OR2J1: variants seen among roughly 807,000 people sequenced by gnomAD.
OR2J1 encodes olfactory receptor 2J1.
A neutral mutation model predicts 10.2 loss-of-function variants in OR2J1; 10 were observed. That is an observed-to-expected ratio of 0.98 (90% CI 0.60 to 1.66). The LOEUF is 1.66. Among genes scored for constraint, OR2J1 ranks in the 40% most tolerant of loss-of-function variants. The probability of loss-of-function intolerance (pLI) is 0.00; values close to 1 mark genes in which losing one functional copy is unlikely to be tolerated. For synonymous variants in OR2J1, 143 were observed against 138.8 expected (o/e 1.03, Z -0.21); for missense variants, 317 against 379.4 (o/e 0.84, Z 1.37).
chr6:29,101,380 T>G lies in OR2J1; in HGVS notation c.438T>G (p.Ala146=). 5 of 1,585,888 alleles carry G rather than the reference T, an allele frequency of 3.2e-6. No individual in the cohort carries two copies. The highest frequency in any genetic ancestry group is 4.3e-6 in the Non-Finnish European group (5 of 1,154,130). The change falls in exon 2 of 2, where the codon GCT becomes GCG. Residue 146 remains alanine, a synonymous_variant. Transcript: ENST00000641659. The stretch of plus-strand genomic sequence containing the variant: ...ACCCTCGTTTCTGCCGCTTGTTGGC[T>G]GCGGCTTCTTGGGTAAGTGGTTTTA... ...LMHPRFCRLL[A]AASWVSGFTT...
In OR2J1 at chr6:29,101,308, T is replaced by G. The variant is rs777390168; in HGVS notation, c.366T>G (p.Asp122Glu). The change falls in exon 2 of 2, where the codon GAT (aspartate) becomes GAG (glutamate). Residue 122 changes from aspartate (D) to glutamate (E), a missense_variant. Asp to Glu is a conservative substitution (Grantham distance 45). Transcript: ENST00000641659. The part of the protein sequence containing the change: ...ECVLLVVMSY[D>E]RYAAVCRPLH... The stretch of plus-strand genomic sequence containing the variant: ...TCCTACTGGTGGTGATGTCCTATGA[T>G]CGTTATGCAGCTGTGTGTAGACCTT... The G allele has an allele frequency of 2.5e-6, 4 of 1,603,004 alleles. No individual in the cohort carries two copies. The highest frequency in any genetic ancestry group is 3.4e-6 in the Non-Finnish European group (4 of 1,169,838).
chr6:29,101,542 C>G lies in OR2J1; in HGVS notation c.600C>G (p.Leu200=). ...ATACCCAGGCAAATGAGCTGACCCT[C>G]ATGGTCATGAGCTCCATATTTGTTC... ...CVDTQANELT[L]MVMSSIFVLI... Residue 200 remains leucine, a synonymous_variant, in exon 2 of 2, where the codon CTC becomes CTG. Transcript: ENST00000641659. 2 of 1,587,274 alleles carry G rather than the reference C, an allele frequency of 1.3e-6. No homozygotes were observed. The highest frequency in any genetic ancestry group is 1.7e-6 in the Non-Finnish European group (2 of 1,155,434).
chr6:29,100,110 T>C (rs1761507148), intron 1 of OR2J1, among the ~76,000 whole-genome samples: 1 of 152,222 alleles, frequency 6.6e-6, no homozygotes, highest in Non-Finnish European at 1.5e-5. Flanking sequence ...GTGTTATACA[T>C]TCTTTCAATT....
rs1237590812 is a variant in OR2J1, at chr6:29,101,795, A to G, written c.853A>G (p.Ser285Gly). 3 of 1,603,456 alleles carry G rather than the reference A, an allele frequency of 1.9e-6. No homozygotes were observed. The highest frequency in any genetic ancestry group is 1.1e-5 in the South Asian group (1 of 90,876). The change falls in exon 2 of 2, where the codon AGT (serine) becomes GGT (glycine). Residue 285 changes from serine to glycine, a missense_variant. Physicochemically the swap from Ser to Gly is moderately conservative, Grantham distance 56 (BLOSUM62 0). Coordinates refer to ENST00000641659, the MANE Select transcript of OR2J1 (RefSeq NM_001348294.2). ...IALFYTVVTP[S>G]LNPLIYTFRN... ...CCTCTTTTACACTGTTGTCACACCT[A>G]GTCTTAACCCTCTAATCTACACTTT...
chr6:29,101,392 G>A lies in OR2J1; in HGVS notation c.450G>A (p.Trp150Ter). Residue 150 changes from tryptophan (W) to a stop codon, truncating the protein, a stop_gained, in exon 2 of 2, where the codon TGG (tryptophan) becomes TGA (stop). Transcript: ENST00000641659. LOFTEE classifies it high-confidence loss of function. ...RFCRLLAAASWVSGFTTSALH... is the reference protein window; with the variant it reads ...RFCRLLAAAS ...GCCGCTTGTTGGCTGCGGCTTCTTGGGTAAGTGGTTTTACAACCTCAGCAC... is the reference window on the plus strand; with the variant it reads ...GCCGCTTGTTGGCTGCGGCTTCTTGAGTAAGTGGTTTTACAACCTCAGCAC... 6.3e-7 allele frequency: 1 copy of A among 1,577,314 alleles called. No homozygotes were observed. Among genetic ancestry groups the A allele is most frequent in the South Asian group, 1.1e-5 (1 of 90,342 alleles).
chr6:29,102,154 A>G lies in OR2J1; in HGVS notation c.*273A>G. 2.7e-6 allele frequency: 1 copy of G among 365,156 alleles called. No homozygotes were observed. The highest frequency in any genetic ancestry group is 4.9e-6 in the Non-Finnish European group (1 of 204,566). 22.6% of individuals were successfully genotyped at this position (365,156 alleles called of 1,614,324 possible). On this transcript the variant is annotated 3_prime_UTR_variant, in exon 2 of 2. Transcript: ENST00000641659. ...TCAACATAAATAAATGTGTGTGTGA[A>G]TAATTATGAGGAGATTATTTAAAAA...
At position 29,101,982 on chromosome 6, in the gene OR2J1, A is replaced by G. The variant is rs1761664328; in HGVS notation, c.*101A>G. 1 of 617,656 alleles carries G rather than the reference A, an allele frequency of 1.6e-6. No individual in the cohort carries two copies. Among genetic ancestry groups the G allele is most frequent in the Admixed American group, 2.9e-5 (1 of 34,462 alleles). The allele number at this position is 617,656 out of a possible 1,614,324, so 38.3% of individuals were successfully genotyped here. On this transcript the variant is annotated 3_prime_UTR_variant, in exon 2 of 2. Coordinates refer to ENST00000641659, the MANE Select transcript of OR2J1 (RefSeq NM_001348294.2). ...ATTTGTGTTTCATCTAACAGCTCAC[A>G]AAACATGGAATAGTTCAGTTCCCCC...
chr6:29,101,828 AAGGATGTAAGAGGGGC>A lies in OR2J1; in HGVS notation c.889_904del (p.Asp297Ter). On this transcript the variant is annotated frameshift_variant, in exon 2 of 2. Transcript: ENST00000641659. LOFTEE classifies it high-confidence loss of function. ...CCCTCTAATCTACACTTTCAGAAAC[AAGGATGTAAGAGGGGC>A]AGTGAAGAGACTAATGGGGTGGGAA... 1 of 1,551,868 alleles carries A rather than the reference AAGGATGTAAGAGGGGC, an allele frequency of 6.4e-7. No homozygotes were observed. Among genetic ancestry groups the A allele is most frequent in the South Asian group, 1.1e-5 (1 of 89,772 alleles).
At position 29,101,324 on chromosome 6, in the gene OR2J1, T is replaced by C; in HGVS notation, c.382T>C (p.Cys128Arg). The change falls in exon 2 of 2, where the codon TGT (cysteine) becomes CGT (arginine). Residue 128 changes from cysteine to arginine, a missense_variant. Physicochemically the swap from Cys to Arg is radical, Grantham distance 180. Coordinates refer to ENST00000641659, the MANE Select transcript of OR2J1 (RefSeq NM_001348294.2). ...GTCCTATGATCGTTATGCAGCTGTG[T>C]GTAGACCTTTGCATTACACTGTCCT... The part of the protein sequence containing the change: ...VMSYDRYAAV[C>R]RPLHYTVLMH... 1 of 1,602,932 alleles carries C rather than the reference T, an allele frequency of 6.2e-7. No homozygotes were observed. The highest frequency in any genetic ancestry group is 8.5e-7 in the Non-Finnish European group (1 of 1,169,726).
At position 29,099,805 on chromosome 6, in the gene OR2J1, C is replaced by T. The variant is rs1439727582; in HGVS notation, c.-237C>T. 6.6e-6 allele frequency: 1 copy of T among 152,084 alleles called. No homozygotes were observed. Among genetic ancestry groups the T allele is most frequent in the Non-Finnish European group, 1.5e-5 (1 of 68,016 alleles). The allele number at this position is 152,084 out of a possible 1,614,324, so 9.4% of individuals were successfully genotyped here. A position where few individuals can be genotyped will look rare whatever the true frequency, so the allele number is the denominator to read the frequency against. Reference sequence around the variant, plus strand: ...ATTAGGCAAACCCTTACATCTTTTTCAAGAGTCAAGATTAGAATATTTGAG... The same window carrying T: ...ATTAGGCAAACCCTTACATCTTTTTTAAGAGTCAAGATTAGAATATTTGAG... On this transcript the variant is annotated 5_prime_UTR_variant, in exon 1 of 2. Transcript: ENST00000641659.
Position 29,101,357 on chromosome 6 carries a change from C to T in OR2J1, c.415C>T (p.Pro139Ser). The T allele has an allele frequency of 6.3e-7, 1 of 1,599,432 alleles. No homozygotes were observed. Among genetic ancestry groups the T allele is most frequent in the East Asian group, 2.2e-5 (1 of 44,824 alleles). Reference sequence around the variant, plus strand: ...TTTGCATTACACTGTCCTCATGCACCCTCGTTTCTGCCGCTTGTTGGCTGC... The same window carrying T: ...TTTGCATTACACTGTCCTCATGCACTCTCGTTTCTGCCGCTTGTTGGCTGC... ...RPLHYTVLMH[P>S]RFCRLLAAAS... The change falls in exon 2 of 2, where the codon CCT becomes TCT. Residue 139 changes from proline (P) to serine (S), a missense_variant. By Grantham distance (74) the Pro-to-Ser change is moderately conservative. Coordinates refer to ENST00000641659, the MANE Select transcript of OR2J1 (RefSeq NM_001348294.2).
In OR2J1 at chr6:29,101,757, G is replaced by A; in HGVS notation, c.815G>A (p.Gly272Asp). 1.9e-6 allele frequency: 3 copies of A among 1,613,018 alleles called. No homozygotes were observed. The highest frequency in any genetic ancestry group is 2.5e-6 in the Non-Finnish European group (3 of 1,179,038). ...CCATCAGAAAATTCTCAAGATCAAG[G>A]CAAGTTCATTGCCCTCTTTTACACT... is the stretch of plus-strand genomic sequence containing the variant. ...QPPSENSQDQ[G>D]KFIALFYTVV... Residue 272 changes from glycine (G) to aspartate (D), a missense_variant, in exon 2 of 2, where the codon GGC becomes GAC. Transcript: ENST00000641659.
rs1360407258 is a variant in OR2J1, at chr6:29,099,620, A to G, written c.-422A>G. On this transcript the variant is annotated 5_prime_UTR_variant, in exon 1 of 2. Transcript: ENST00000641659. ...ACCTTTCAACCTAGCGAAATTTTTA[A>G]AAAAATTCTTGCAATTTTTCCATGA... The G allele has an allele frequency of 1.3e-5, 2 of 152,180 alleles. No homozygotes were observed. The highest frequency in any genetic ancestry group is 4.8e-5 in the African/African-American group (2 of 41,438). The allele number at this position is 152,180 out of a possible 1,614,324, so 9.4% of individuals were successfully genotyped here.
At position 29,101,796 on chromosome 6, in the gene OR2J1, G is replaced by T; in HGVS notation, c.854G>T (p.Ser285Ile). 1 of 1,602,690 alleles carries T rather than the reference G, an allele frequency of 6.2e-7. No individual in the cohort carries two copies. The highest frequency in any genetic ancestry group is 8.5e-7 in the Non-Finnish European group (1 of 1,169,684). ...IALFYTVVTP[S>I]LNPLIYTFRN... is the part of the protein sequence containing the mutation. ...CTCTTTTACACTGTTGTCACACCTA[G>T]TCTTAACCCTCTAATCTACACTTTC... Residue 285 changes from serine (S) to isoleucine (I), a missense_variant, in exon 2 of 2, where the codon AGT becomes ATT. Coordinates refer to ENST00000641659, the MANE Select transcript of OR2J1 (RefSeq NM_001348294.2).
rs1328039014 is a variant in OR2J1 at position 29,100,925 on chromosome 6, G to T, written c.-18G>T. ...TTGAGTTTATGCGATTCTTTCTTTA[G>T]GTACAGGAAAAATAAGAATGTTGAT... On this transcript the variant is annotated 5_prime_UTR_variant, in exon 2 of 2. The change creates a new upstream start codon in the 5' untranslated region. Coordinates refer to ENST00000641659, the MANE Select transcript of OR2J1 (RefSeq NM_001348294.2). 7.7e-6 allele frequency: 8 copies of T among 1,045,390 alleles called. No individual in the cohort carries two copies. Among genetic ancestry groups the T allele is most frequent in the African/African-American group, 6.3e-5 (4 of 63,050 alleles). The allele number at this position is 1,045,390 out of a possible 1,614,324, so 64.8% of individuals were successfully genotyped here.
chr6:29,101,855 C>A lies in OR2J1; in HGVS notation c.913C>A (p.Leu305Ile). Residue 305 changes from leucine to isoleucine, a missense_variant, in exon 2 of 2, where the codon CTA (leucine) becomes ATA (isoleucine). Transcript: ENST00000641659. ...GGATGTAAGAGGGGCAGTGAAGAGA[C>A]TAATGGGGTGGGAATGGGGGATGTG... ...NKDVRGAVKRLMGWEWGM is the reference protein window; with the variant it reads ...NKDVRGAVKRIMGWEWGM 1 of 1,386,630 alleles carries A rather than the reference C, an allele frequency of 7.2e-7. No homozygotes were observed. Among genetic ancestry groups the A allele is most frequent in the Non-Finnish European group, 1.0e-6 (1 of 973,498 alleles). The allele number at this position is 1,386,630 out of a possible 1,614,324, so 85.9% of individuals were successfully genotyped here. A position where few individuals can be genotyped will look rare whatever the true frequency, so the allele number is the denominator to read the frequency against.
chr6:29,101,719 G>T lies in OR2J1; in HGVS notation c.777G>T (p.Met259Ile). The T allele has an allele frequency of 6.2e-7, 1 of 1,613,736 alleles. No homozygotes were observed. Among genetic ancestry groups the T allele is most frequent in the Non-Finnish European group, 8.5e-7 (1 of 1,179,648 alleles). ...TCTTTTTCATTCCAGTCATGTGCAT[G>T]TATCTCCAGCCACCATCAGAAAATT... Reference protein sequence around the residue: ...VSLFFIPVMCMYLQPPSENSQ... With the variant: ...VSLFFIPVMCIYLQPPSENSQ... Residue 259 changes from methionine to isoleucine, a missense_variant, in exon 2 of 2, where the codon ATG (methionine) becomes ATT (isoleucine). By Grantham distance (10) the Met-to-Ile change is conservative. Coordinates refer to ENST00000641659, the MANE Select transcript of OR2J1 (RefSeq NM_001348294.2).
At position 29,101,558 on chromosome 6, in the gene OR2J1, A is replaced by G; in HGVS notation, c.616A>G (p.Ile206Val). The change falls in exon 2 of 2, where the codon ATA becomes GTA. Residue 206 changes from isoleucine (I) to valine (V), a missense_variant. Coordinates refer to ENST00000641659, the MANE Select transcript of OR2J1 (RefSeq NM_001348294.2). ...GCTGACCCTCATGGTCATGAGCTCC[A>G]TATTTGTTCTCATACCTCTCATCCT... The part of the protein sequence containing the change: ...NELTLMVMSS[I>V]FVLIPLILIL... The G allele has an allele frequency of 1.3e-6, 2 of 1,598,480 alleles. No individual in the cohort carries two copies. Among genetic ancestry groups the G allele is most frequent in the Non-Finnish European group, 1.7e-6 (2 of 1,165,824 alleles).
rs761050635 is a variant in OR2J1 at position 29,101,241 on chromosome 6, T to C, written c.299T>C (p.Val100Ala). The C allele has an allele frequency of 5.6e-6, 9 of 1,600,264 alleles. No homozygotes were observed. The South Asian group carries it at 9.9e-5, about 18-fold the overall frequency. The part of the protein sequence containing the change: ...EKTISYAGCT[V>A]QLYFVLALGT... ...ACCATCTCTTATGCTGGTTGTACGGTTCAACTTTACTTTGTTCTCGCACTG... is the reference window on the plus strand; with the variant it reads ...ACCATCTCTTATGCTGGTTGTACGGCTCAACTTTACTTTGTTCTCGCACTG... Residue 100 changes from valine to alanine, a missense_variant, in exon 2 of 2, where the codon GTT becomes GCT. Physicochemically the swap from Val to Ala is moderately conservative, Grantham distance 64 (BLOSUM62 0). Coordinates refer to ENST00000641659, the MANE Select transcript of OR2J1 (RefSeq NM_001348294.2).
Sources: allele counts gnomAD v4.1 joint callset (sites outside exome capture counted in the v4.1 genomes callset), GRCh38; gene constraint gnomAD v4.1.1; transcripts MANE v1.5; gene names NCBI Gene and HGNC (gene_info 2026-07-23, HGNC 2026-07-21).